Variants in NFIX observed in about 807,000 individuals in gnomAD.
NFIX encodes nuclear factor I X, also known as nuclear factor 1 X-type.
In NFIX, 2 loss-of-function variants were observed where a neutral mutation model predicts 53.3. The ratio of observed to expected loss-of-function variants is 0.04; its 90% CI spans 0.02 to 0.12. NFIX has a LOEUF of 0.12. Ranked by LOEUF, NFIX falls within the 10% of genes least tolerant of loss-of-function variation. The pLI is 1.00. For synonymous variants in NFIX, 244 were observed against 289.0 expected (o/e 0.84, Z 1.58); for missense variants, 310 against 674.5 (o/e 0.46, Z 5.99).
rs2017288294 is a variant in NFIX at position 13,078,922 on chromosome 19, C to T, written c.1078+187C>T. Among the ~76,000 whole-genome samples, 1 of 152,238 alleles carries T rather than the reference C, an allele frequency of 6.6e-6. No homozygotes were observed. The highest frequency in any genetic ancestry group is 2.4e-5 in the African/African-American group (1 of 41,458). Reference sequence around the variant, plus strand: ...CTTCACGTAGCACCTCATCGAGGACCAGGCCGGGCCCCTGGGCTGCCCACC... The same window carrying T: ...CTTCACGTAGCACCTCATCGAGGACTAGGCCGGGCCCCTGGGCTGCCCACC... On this transcript the variant is annotated intron_variant, in intron 7 of 10. Transcript: ENST00000592199. The surrounding 1 kb of genome is among the most constrained non-coding windows in gnomAD (Gnocchi z 4.7).
chr19:13,024,046 AT>A, intron 1 of NFIX: 1 of 1,456,126 alleles, frequency 6.9e-7, no homozygotes, highest in Non-Finnish European at 9.1e-7. Flanking sequence ...TAATTATTTA[AT>A]TTTTTCCAGT....
chr19:13,063,824 T>C (rs761674446), intron 2 of NFIX, among the ~76,000 whole-genome samples: 1 of 152,168 alleles, frequency 6.6e-6, no homozygotes, highest in African/African-American at 2.4e-5. Context: ...CATTAGAGTC[T>C]GGAGGACTCT....
intron 2 of NFIX, among the ~76,000 whole-genome samples, chr19:13,056,747 C>T (rs2015720780): frequency 6.6e-6 from 1 of 152,194 alleles, no homozygotes; most frequent in Admixed American, 6.5e-5. Context: ...TTGTGGGGCC[C>T]AGTGCAAAAT....
rs560057315 is a variant in NFIX at position 13,051,091 on chromosome 19, T to C, written c.560-21956T>C. 6.6e-6 allele frequency among the ~76,000 whole-genome samples: 1 copy of C among 152,272 alleles called. No individual in the cohort carries two copies. Among genetic ancestry groups the C allele is most frequent in the East Asian group, 1.9e-4 (1 of 5,176 alleles). On this transcript the variant is annotated intron_variant, in intron 2 of 10. Coordinates refer to ENST00000592199, the MANE Select transcript of NFIX (RefSeq NM_001365902.3). The surrounding 1 kb of genome is among the most constrained non-coding windows in gnomAD (Gnocchi z 5.1). ...AGGAGGGTGCATACCTCCAGGAGGA[T>C]AGTAGCAGGGGAGCCACGGAGTAGC...
rs1475157142 is a variant in NFIX, at chr19:13,014,922, G to C, written c.28-10099G>C. On this transcript the variant is annotated intron_variant, in intron 1 of 10. Coordinates refer to ENST00000592199, the MANE Select transcript of NFIX (RefSeq NM_001365902.3). The surrounding 1 kb of genome is among the most constrained non-coding windows in gnomAD (Gnocchi z 4.4). ...CTGCGGTGGCCCTTCCGCCAGGTGTGGGGTAGACCGCTTAGAAGGGAAAGG... is the reference window on the plus strand; with the variant it reads ...CTGCGGTGGCCCTTCCGCCAGGTGTCGGGTAGACCGCTTAGAAGGGAAAGG... Among the ~76,000 whole-genome samples, 1 of 152,210 alleles carries C rather than the reference G, an allele frequency of 6.6e-6. No homozygotes were observed. Among genetic ancestry groups the C allele is most frequent in the Non-Finnish European group, 1.5e-5 (1 of 68,032 alleles).
intron 2 of NFIX, among the ~76,000 whole-genome samples, chr19:13,048,684 ACCT>A (rs1316225901): frequency 1.3e-5 from 2 of 150,336 alleles, no homozygotes; most frequent in Non-Finnish European, 3.0e-5. Context: ...ACACAGGGAG[ACCT>A]CATCTCTGCA....
In NFIX at chr19:12,998,297, G is replaced by C. The variant is rs567043995; in HGVS notation, c.27+2433G>C. 1.1e-4 allele frequency among the ~76,000 whole-genome samples: 17 copies of C among 149,860 alleles called. No individual in the cohort carries two copies. The East Asian group carries it at 2.4e-3, about 21-fold the overall frequency. On this transcript the variant is annotated intron_variant, in intron 1 of 10. Transcript: ENST00000592199. This position sits in a 1 kb window ranked among gnomAD's most constrained non-coding sequence, Gnocchi z 4.4. ...GGCGTCTCGGACTCTCTCTCTCTCT[G>C]TCTCTCTGGCCTGCCTCTCTCTCTT...
At chr19:13,091,810 C>T (rs2018156956) in intron 10 of NFIX, among the ~76,000 whole-genome samples, 2 of 152,374 alleles carry the variant, frequency 1.3e-5, no homozygotes, top group South Asian at 4.1e-4. Context: ...GGGCTGCTCA[C>T]AGCTCTGCGG....
intron 2 of NFIX, among the ~76,000 whole-genome samples, chr19:13,050,158 A>G (rs1332601041): frequency 1.3e-5 from 2 of 152,200 alleles, no homozygotes; most frequent in Non-Finnish European, 2.9e-5. Context: ...GTGGGCACCC[A>G]GGGTCTCTCT....
rs1385203175 is a variant in NFIX at position 12,998,032 on chromosome 19, C to T, written c.27+2168C>T. On this transcript the variant is annotated intron_variant, in intron 1 of 10. Transcript: ENST00000592199. The surrounding 1 kb of genome is among the most constrained non-coding windows in gnomAD (Gnocchi z 4.4). ...CTGGTCAGTGGGGTCTGGCCTGCCC[C>T]TCCCTAACAATCACATCTCTGTTTT... 6.6e-6 allele frequency among the ~76,000 whole-genome samples: 1 copy of T among 152,234 alleles called. No homozygotes were observed. Among genetic ancestry groups the T allele is most frequent in the Non-Finnish European group, 1.5e-5 (1 of 68,042 alleles).
rs1046804004 is a variant in NFIX, at chr19:13,045,676, C to G, written c.559+20124C>G. ...AGGGGCAGCAGGCACACTGGGTTGACAACTGCACTGTGTTGACCCCATGGC... is the reference window on the plus strand; with the variant it reads ...AGGGGCAGCAGGCACACTGGGTTGAGAACTGCACTGTGTTGACCCCATGGC... On this transcript the variant is annotated intron_variant, in intron 2 of 10. Transcript: ENST00000592199. This position sits in a 1 kb window ranked among gnomAD's most constrained non-coding sequence, Gnocchi z 4.4. Among the ~76,000 whole-genome samples the G allele has an allele frequency of 6.6e-6, 1 of 152,150 alleles. No individual in the cohort carries two copies. Among genetic ancestry groups the G allele is most frequent in the African/African-American group, 2.4e-5 (1 of 41,422 alleles).
Position 13,073,297 on chromosome 19 carries a change from A to T in NFIX, c.623-125A>T. On this transcript the variant is annotated intron_variant, in intron 3 of 10. Transcript: ENST00000592199. The surrounding 1 kb of genome is among the most constrained non-coding windows in gnomAD (Gnocchi z 4.5). ...ATCCCCCCTGTTCGGTGTAGACCTG[A>T]GGGCTAGCCTGGAGCTGGAAACGGG... 1.0e-6 allele frequency: 1 copy of T among 982,872 alleles called. No individual in the cohort carries two copies. The highest frequency in any genetic ancestry group is 1.6e-6 in the Non-Finnish European group (1 of 609,868). 60.9% of individuals were successfully genotyped at this position (982,872 alleles called of 1,614,324 possible).
At chr19:13,035,865 C>T (rs1410368800) in intron 2 of NFIX, among the ~76,000 whole-genome samples, 1 of 152,200 alleles carries the variant, frequency 6.6e-6, no homozygotes, top group Non-Finnish European at 1.5e-5. Context: ...TAACTCTTCC[C>T]ACCCGCTGCC....
chr19:13,083,142 C>G lies in NFIX; in HGVS notation c.1254+1287C>G, dbSNP rs1010662130. ...AGCATACTGGTAGCTTCGCCCACCT[C>G]TCTCTGGACAAGCTCTGTCCACTTT... On this transcript the variant is annotated intron_variant, in intron 8 of 10. Transcript: ENST00000592199. Among the ~76,000 whole-genome samples the G allele has an allele frequency of 7.2e-4, 109 of 152,190 alleles. 1 individual carries two copies. Among genetic ancestry groups the G allele is most frequent in the Non-Finnish European group, 1.4e-3 (98 of 68,028 alleles).
rs1048099296 is a variant in NFIX at position 13,025,638 on chromosome 19, G to T, written c.559+86G>T. ...TTTATTGTTCCTCTAATTTCCAAGCGATAACTCGCCATGGGCCTAACTGGT... is the reference window on the plus strand; with the variant it reads ...TTTATTGTTCCTCTAATTTCCAAGCTATAACTCGCCATGGGCCTAACTGGT... On this transcript the variant is annotated intron_variant, in intron 2 of 10. Transcript: ENST00000592199. This position sits in a 1 kb window ranked among gnomAD's most constrained non-coding sequence, Gnocchi z 7.5. 4 of 1,476,964 alleles carry T rather than the reference G, an allele frequency of 2.7e-6. No homozygotes were observed. In the African/African-American group the frequency reaches 5.5e-5, roughly 20 times the overall value. The allele number at this position is 1,476,964 out of a possible 1,614,324, so 91.5% of individuals were successfully genotyped here. A position where few individuals can be genotyped will look rare whatever the true frequency, so the allele number is the denominator to read the frequency against.
chr19:13,011,753 C>A lies in NFIX; in HGVS notation c.28-13268C>A, dbSNP rs1417844030. Reference sequence around the variant, plus strand: ...TGCCTGTACGTACCCTACCTGAGACCGCCCCTCCGCCAAGTGCGCCCCTCG... The same window carrying A: ...TGCCTGTACGTACCCTACCTGAGACAGCCCCTCCGCCAAGTGCGCCCCTCG... On this transcript the variant is annotated intron_variant, in intron 1 of 10. Transcript: ENST00000592199. The surrounding 1 kb of genome is among the most constrained non-coding windows in gnomAD (Gnocchi z 6.5). Among the ~76,000 whole-genome samples, 2 of 152,160 alleles carry A rather than the reference C, an allele frequency of 1.3e-5. No homozygotes were observed. The highest frequency in any genetic ancestry group is 2.9e-5 in the Non-Finnish European group (2 of 68,010).
intron 8 of NFIX, among the ~76,000 whole-genome samples, chr19:13,084,748 C>T (rs1487941736): frequency 1.3e-5 from 2 of 152,076 alleles, no homozygotes; most frequent in African/African-American, 2.4e-5. Flanking sequence ...TCTGAACAGC[C>T]AGGCCCACGT....
rs1387728837 is a variant in NFIX, at chr19:13,081,364, G to C, written c.1079-316G>C. Among the ~76,000 whole-genome samples, 3 of 152,086 alleles carry C rather than the reference G, an allele frequency of 2.0e-5. No homozygotes were observed. Among genetic ancestry groups the C allele is most frequent in the Non-Finnish European group, 4.4e-5 (3 of 68,028 alleles). On this transcript the variant is annotated intron_variant, in intron 7 of 10. Coordinates refer to ENST00000592199, the MANE Select transcript of NFIX (RefSeq NM_001365902.3). This position sits in a 1 kb window ranked among gnomAD's most constrained non-coding sequence, Gnocchi z 4.7. ...TAAAATAAAGACAAGATCCTACCCT[G>C]CCTCATCTGCCTCATCCTAATCTCC...
chr19:13,024,918 C>T (rs539761363), intron 1 of NFIX, 103 bp from the exon 2 acceptor site: 9 of 1,464,976 alleles, frequency 6.1e-6, no homozygotes, highest in Admixed American at 4.0e-5. Flanking sequence ...CCTTGTGCCC[C>T]CCCTTCTAAC....
Sources: gnomAD v4.1 joint callset for allele counts (sites outside exome capture counted in the v4.1 genomes callset) on GRCh38, gnomAD v4.1.1 for gene constraint, Gnocchi (gnomAD v3.1) non-coding constraint, MANE v1.5 for transcripts, NCBI Gene and HGNC (gene_info 2026-07-23, HGNC 2026-07-21) for gene names.